SPDYE4: variants seen among roughly 807,000 people sequenced by gnomAD.
SPDYE4 encodes the protein speedy/RINGO cell cycle regulator family member E4.
Under a neutral mutation model 37.5 loss-of-function variants are expected in SPDYE4, and 30 were observed. The observed-to-expected ratio is 0.80, with a 90% CI of 0.60 to 1.09. The LOEUF (loss-of-function observed/expected upper bound fraction) is 1.09. SPDYE4 is among the 50% of genes least tolerant of loss of function. SPDYE4 has a pLI of 0.00. For missense variants in SPDYE4, 300 were observed against 307.9 expected (o/e 0.97, Z 0.19); for synonymous variants, 131 against 120.3 (o/e 1.09, Z -0.58).
intron 1 of SPDYE4, 38 bp downstream of exon 1, chr17:8,758,236 C>G (rs1297603679): frequency 6.8e-7 from 1 of 1,467,434 alleles, no homozygotes; most frequent in South Asian, 1.3e-5. Flanking sequence ...TCTCCTCAGT[C>G]AATCATCTCC....
In SPDYE4 at chr17:8,754,218, G is replaced by T. The variant is rs550048441; in HGVS notation, c.486-729C>A. 5.3e-4 allele frequency among the ~76,000 whole-genome samples: 80 copies of T among 152,328 alleles called. No homozygotes were observed. The Middle Eastern group carries it at 0.01, about 19-fold the overall frequency. On this transcript the variant is annotated intron_variant, in intron 4 of 6. Coordinates refer to ENST00000689094, the MANE Select transcript of SPDYE4 (RefSeq NM_001394956.1). ...TTTATCTTATAGGCAAATGCCATATGAATTATTCCATAGAGTCAATATAAC... is the reference window on the plus strand; with the variant it reads ...TTTATCTTATAGGCAAATGCCATATTAATTATTCCATAGAGTCAATATAAC...
chr17:8,757,093 A>G (rs1429841695), intron 2 of SPDYE4, among the ~76,000 whole-genome samples, 169 bp downstream of exon 2: 1 of 152,024 alleles, frequency 6.6e-6, no homozygotes, highest in East Asian at 1.9e-4. Flanking sequence ...TCAAGTGCAG[A>G]CCTTTATTAA....
downstream of SPDYE4, among the ~76,000 whole-genome samples, chr17:8,750,183 G>GT (rs1186041403): frequency 1.2e-4 from 18 of 152,062 alleles, no homozygotes; most frequent in African/African-American, 4.3e-4. Flanking sequence ...GAGGTCAAGA[G>GT]TTGGAGACCA....
At chr17:8,756,555 A>G in intron 2 of SPDYE4, 119 bp from the exon 3 acceptor site, 2 of 932,486 alleles carry the variant, frequency 2.1e-6, no homozygotes, top group East Asian at 4.8e-5. Context: ...GCCAAGGCTT[A>G]GGTGGATGGG....
At chr17:8,757,786 T>TCTC (rs534306602) in intron 1 of SPDYE4, among the ~76,000 whole-genome samples, 27 of 114,144 alleles carry the variant, frequency 2.4e-4, no homozygotes, top group African/African-American at 4.4e-4. Context: ...TCTCTCTCTC[T>TCTC]TTTTTTTTTT....
At position 8,753,380 on chromosome 17, in the gene SPDYE4, A is replaced by G. The variant is rs1056312865; in HGVS notation, c.595T>C (p.Tyr199His). 5.7e-6 allele frequency: 9 copies of G among 1,583,192 alleles called. No homozygotes were observed. The highest frequency in any genetic ancestry group is 1.3e-5 in the African/African-American group (1 of 74,140). The change falls in exon 5 of 7, where the codon TAC (tyrosine) becomes CAC (histidine). Residue 199 changes from tyrosine to histidine, a missense_variant. Transcript: ENST00000689094. ...SQRPLFHKLR[Y>H]QLLCSMRWRT... ...CAGCGCATGGAACAGAGGAGCTGGT[A>G]TCGAAGCTTATGGAACAAGGGTCGC...
chr17:8,750,594 C>T (rs889949719), downstream of SPDYE4, among the ~76,000 whole-genome samples: 1 of 152,052 alleles, frequency 6.6e-6, no homozygotes, highest in Non-Finnish European at 1.5e-5. Context: ...CCTGTAGTCC[C>T]AGCTACTTGG....
At chr17:8,756,929 T>C (rs2086777434) in intron 2 of SPDYE4, among the ~76,000 whole-genome samples, 2 of 152,144 alleles carry the variant, frequency 1.3e-5, no homozygotes, top group African/African-American at 4.8e-5. Flanking sequence ...ACAGGGTCTT[T>C]CCTTGTCAAC....
chr17:8,753,273 T>TGCCCC, intron 5 of SPDYE4, 48 bp downstream of exon 5: 2 of 1,556,542 alleles, frequency 1.3e-6, no homozygotes, highest in Non-Finnish European at 8.8e-7. Flanking sequence ...CAGCCTCCAG[T>TGCCCC]CCACCCCATC....
Position 8,753,085 on chromosome 17 carries a change from C to T in SPDYE4, c.*44+9G>A. On this transcript the variant is annotated intron_variant, in intron 6 of 6. Coordinates refer to ENST00000689094, the MANE Select transcript of SPDYE4 (RefSeq NM_001394956.1). Reference sequence around the variant, plus strand: ...TATTCTGCCTTTACCCTGGAGGATACACACGTACCTTCCCTCAGGCCGATG... The same window carrying T: ...TATTCTGCCTTTACCCTGGAGGATATACACGTACCTTCCCTCAGGCCGATG... The T allele has an allele frequency of 6.3e-7, 1 of 1,596,740 alleles. No homozygotes were observed. The highest frequency in any genetic ancestry group is 1.1e-5 in the South Asian group (1 of 90,390).
At chr17:8,756,468 A>G in intron 2 of SPDYE4, 32 bp from the exon 3 acceptor site, 5 of 1,609,580 alleles carry the variant, frequency 3.1e-6, no homozygotes, top group Non-Finnish European at 4.3e-6. Flanking sequence ...CAGGGTGAGA[A>G]GTGGAACAGG....
chr17:8,747,986 C>G (rs1349617145), downstream of SPDYE4, among the ~76,000 whole-genome samples: 6 of 152,260 alleles, frequency 3.9e-5, no homozygotes, highest in East Asian at 1.2e-3. Context: ...GAAAGGGAAG[C>G]AAGAGTGGAA....
At position 8,752,171 on chromosome 17, in the gene SPDYE4, G is replaced by A. The variant is rs1035959050; in HGVS notation, c.*111C>T. 6.6e-6 allele frequency among the ~76,000 whole-genome samples: 1 copy of A among 152,072 alleles called. No homozygotes were observed. Among genetic ancestry groups the A allele is most frequent in the Non-Finnish European group, 1.5e-5 (1 of 68,020 alleles). On this transcript the variant is annotated 3_prime_UTR_variant, in exon 7 of 7. Coordinates refer to ENST00000689094, the MANE Select transcript of SPDYE4 (RefSeq NM_001394956.1). Reference sequence around the variant, plus strand: ...ACAGGAGGCTCCTCTCTCCCTTCCTGGTGTCTGGCATTAGCGTCGCGATAA... The same window carrying A: ...ACAGGAGGCTCCTCTCTCCCTTCCTAGTGTCTGGCATTAGCGTCGCGATAA...
At position 8,753,324 on chromosome 17, in the gene SPDYE4, C is replaced by T; in HGVS notation, c.651G>A (p.Glu217=). The change falls in exon 5 of 7, where the codon GAG becomes GAA. Residue 217 remains glutamate (E), a synonymous_variant. Transcript: ENST00000689094. The part of the protein sequence containing the change: ...WRTWVSPEEM[E]EIQAYDPEHW... The stretch of plus-strand genomic sequence containing the variant: ...CTCCTCATATGGCCCCACCTACCTC[C>T]TCCATCTCCTCTGGGGAAACCCACG... 6.4e-7 allele frequency: 1 copy of T among 1,572,720 alleles called. No homozygotes were observed. The highest frequency in any genetic ancestry group is 8.6e-7 in the Non-Finnish European group (1 of 1,158,398).
At chr17:8,755,415 A>T in intron 4 of SPDYE4, 105 bp downstream of exon 4, 1 of 1,339,022 alleles carries the variant, frequency 7.5e-7, no homozygotes, top group Non-Finnish European at 1.0e-6. Context: ...ATACAGAGTA[A>T]AGAGGAGAAG....
rs1236036054 is a variant in SPDYE4, at chr17:8,757,392, C to T, written c.210G>A (p.Glu70=). 18 of 1,591,502 alleles carry T rather than the reference C, an allele frequency of 1.1e-5. No individual in the cohort carries two copies. In the East Asian group the frequency reaches 3.6e-4, roughly 32 times the overall value. The change falls in exon 2 of 7, where the codon GAG becomes GAA. Residue 70 remains glutamate (E), a synonymous_variant. Transcript: ENST00000689094. ...ESEEELEEEL[E]LERAPEPEDT... is the part of the protein sequence containing the mutation. ...CCTCGGGCTCAGGGGCGCGCTCCAA[C>T]TCCAGCTCCTCCTCCAGCTCCTCCT... is the stretch of plus-strand genomic sequence containing the variant.
chr17:8,753,615 A>C (rs2086748844), intron 4 of SPDYE4, 126 bp from the exon 5 acceptor site: 1 of 1,158,694 alleles, frequency 8.6e-7, no homozygotes, highest in Non-Finnish European at 1.2e-6. Flanking sequence ...CCCTGCAGAG[A>C]GCCCTGCCTT....
Position 8,753,169 on chromosome 17 carries a change from AC to A in SPDYE4, c.682del (p.Val228CysfsTer44). 1.2e-6 allele frequency: 2 copies of A among 1,613,842 alleles called. No individual in the cohort carries two copies. Among genetic ancestry groups the A allele is most frequent in the Non-Finnish European group, 1.7e-6 (2 of 1,179,982 alleles). On this transcript the variant is annotated frameshift_variant, in exon 6 of 7. Coordinates refer to ENST00000689094, the MANE Select transcript of SPDYE4 (RefSeq NM_001394956.1). LOFTEE classifies it high-confidence loss of function. ...AATGAGGGTGCGATCTCGGGCCCAC[AC>A]CCAGTGCTCTGGGTCATAAGCCTGG... ...EIQAYDPEHW[V>X]WARDRTLIS is the part of the protein sequence containing the mutation.
At chr17:8,758,023 C>T (rs984094019) in intron 1 of SPDYE4, among the ~76,000 whole-genome samples, 3 of 152,000 alleles carry the variant, frequency 2.0e-5, no homozygotes, top group Non-Finnish European at 4.4e-5. Context: ...CCTCGTGATC[C>T]GTCCGCCTCG....
Sources: allele counts gnomAD v4.1 joint callset (sites outside exome capture counted in the v4.1 genomes callset), GRCh38; gene constraint gnomAD v4.1.1; transcripts MANE v1.5; gene names NCBI Gene and HGNC (gene_info 2026-07-23, HGNC 2026-07-21).